Variants in RBMS3 observed in about 807,000 individuals in gnomAD.
RBMS3 encodes the protein RNA binding motif single stranded interacting protein 3, also known as RNA-binding motif, single-stranded-interacting protein 3.
Under a neutral mutation model 66.8 loss-of-function variants are expected in RBMS3, and 27 were observed. The observed-to-expected ratio is 0.40, with a 90% CI of 0.30 to 0.56. The LOEUF (loss-of-function observed/expected upper bound fraction) is 0.56, where lower values mean the gene tolerates loss of function less well. Ranked by LOEUF, RBMS3 falls within the 20% of genes least tolerant of loss-of-function variation. The probability of loss-of-function intolerance (pLI) is 0.40; values close to 1 mark genes in which losing one functional copy is unlikely to be tolerated. For synonymous variants in RBMS3, 188 were observed against 183.0 expected (o/e 1.03, Z -0.22); for missense variants, 513 against 549.5 (o/e 0.93, Z 0.66).
At chr3:29,517,846 T>C in intron 3 of RBMS3, among the ~76,000 whole-genome samples, 1 of 152,198 alleles carries the variant, frequency 6.6e-6, no homozygotes, top group African/African-American at 2.4e-5. Context: ...GAAAAAAATG[T>C]CAAGGAAATG....
intron 6 of RBMS3, among the ~76,000 whole-genome samples, chr3:29,775,289 A>G (rs2056387941): frequency 6.7e-6 from 1 of 148,248 alleles, no homozygotes. Context: ...GTAAACAAGC[A>G]TTCAGGCGCC....
At chr3:29,491,993 GA>G (rs34050334) in intron 3 of RBMS3, among the ~76,000 whole-genome samples, 77,641 of 146,072 alleles carry the variant, frequency 0.53, 22,074 homozygotes, top group African/African-American at 0.74. Context: ...GCTCAGTCTC[GA>G]AAAAAAAAAA....
chr3:29,674,369 C>G (rs2051141508), intron 4 of RBMS3, among the ~76,000 whole-genome samples: 1 of 152,158 alleles, frequency 6.6e-6, no homozygotes, highest in South Asian at 2.1e-4. Flanking sequence ...TCTCTCACCA[C>G]TCCTATTCAA....
intron 5 of RBMS3, among the ~76,000 whole-genome samples, chr3:29,746,992 A>C (rs2054928459): frequency 6.6e-6 from 1 of 152,238 alleles, no homozygotes; most frequent in African/African-American, 2.4e-5. Flanking sequence ...GTGGCCATTC[A>C]GTATGCTCAG....
intron 4 of RBMS3, among the ~76,000 whole-genome samples, chr3:29,734,618 G>T (rs2054298131): frequency 6.6e-6 from 1 of 152,050 alleles, no homozygotes; most frequent in Non-Finnish European, 1.5e-5. Context: ...CCCATAGGGT[G>T]TTCCATTATG....
intron 6 of RBMS3, among the ~76,000 whole-genome samples, chr3:29,797,118 T>G (rs2149436544): frequency 6.6e-6 from 1 of 152,332 alleles, no homozygotes; most frequent in East Asian, 1.9e-4. Flanking sequence ...TCTGGGAAAG[T>G]CCTAGATGGC....
intron 1 of RBMS3, among the ~76,000 whole-genome samples, chr3:29,394,335 G>T (rs1008748592): frequency 6.6e-6 from 1 of 152,120 alleles, no homozygotes; most frequent in Non-Finnish European, 1.5e-5. Flanking sequence ...CCTGAAAATC[G>T]CTGTTATCCT....
chr3:29,602,464 C>T (rs1268960633), intron 4 of RBMS3, among the ~76,000 whole-genome samples: 1 of 152,024 alleles, frequency 6.6e-6, no homozygotes, highest in African/African-American at 2.4e-5. Flanking sequence ...CTGGAGTTCT[C>T]ATAGGGACTG....
At chr3:29,431,766 C>T (rs181256937) in intron 1 of RBMS3, among the ~76,000 whole-genome samples, 1 of 152,012 alleles carries the variant, frequency 6.6e-6, no homozygotes, top group East Asian at 1.9e-4. Flanking sequence ...TGCTCTGTTG[C>T]CCAGGCTAGA....
intron 4 of RBMS3, among the ~76,000 whole-genome samples, chr3:29,654,003 G>A (rs1576446684): frequency 6.6e-6 from 1 of 152,228 alleles, no homozygotes; most frequent in South Asian, 2.1e-4. Context: ...AATTCATAAG[G>A]ATCTGATGAA....
chr3:29,927,940 A>T, intron 10 of RBMS3, among the ~76,000 whole-genome samples: 1 of 152,240 alleles, frequency 6.6e-6, no homozygotes, highest in Non-Finnish European at 1.5e-5. Flanking sequence ...AAGCAGGAAT[A>T]GAAAAATGTC....
chr3:29,633,954 C>G (rs2149181579), intron 4 of RBMS3, among the ~76,000 whole-genome samples: 1 of 151,920 alleles, frequency 6.6e-6, no homozygotes, highest in Non-Finnish European at 1.5e-5. Flanking sequence ...AAAATAGAGT[C>G]AACTAACCTG....
intron 10 of RBMS3, among the ~76,000 whole-genome samples, chr3:29,915,554 G>GT (rs148392455): frequency 0.021 from 3,235 of 151,988 alleles, 123 homozygotes; most frequent in African/African-American, 0.075. Flanking sequence ...CAGTATGCCC[G>GT]TATCTCCAGA....
chr3:29,317,491 C>T (rs1352293979), intron 1 of RBMS3, among the ~76,000 whole-genome samples: 1 of 151,640 alleles, frequency 6.6e-6, no homozygotes, highest in Non-Finnish European at 1.5e-5. Context: ...AATGAATTCA[C>T]AGCCATTCAG....
At chr3:29,858,715 T>A (rs986390540) in intron 6 of RBMS3, among the ~76,000 whole-genome samples, 3 of 152,220 alleles carry the variant, frequency 2.0e-5, no homozygotes, top group Non-Finnish European at 4.4e-5. Context: ...CTTGAAACAA[T>A]AGCGTTACAT....
At chr3:29,821,637 A>G (rs541686291) in intron 6 of RBMS3, among the ~76,000 whole-genome samples, 63 of 152,324 alleles carry the variant, frequency 4.1e-4, no homozygotes, top group African/African-American at 1.5e-3. Flanking sequence ...TGAAGCCAGA[A>G]TATTGGAATG....
At chr3:29,736,728 G>T (rs1191719646) in intron 4 of RBMS3, among the ~76,000 whole-genome samples, 1 of 152,112 alleles carries the variant, frequency 6.6e-6, no homozygotes, top group Non-Finnish European at 1.5e-5. Flanking sequence ...CACATCATAA[G>T]AAAGTTGTTC....
At chr3:29,503,602 G>A (rs3773046) in intron 3 of RBMS3, among the ~76,000 whole-genome samples, 20,057 of 152,078 alleles carry the variant, frequency 0.13, 1,965 homozygotes, top group African/African-American at 0.27. Flanking sequence ...TTTGGGAACT[G>A]TAAGGAGGAT....
intron 1 of RBMS3, among the ~76,000 whole-genome samples, chr3:29,395,917 C>T (rs2039525744): frequency 6.6e-6 from 1 of 152,052 alleles, no homozygotes. Context: ...AATCAAAATA[C>T]AGAAATATCA....
Sources: gnomAD v4.1 joint callset for allele counts (sites outside exome capture counted in the v4.1 genomes callset) on GRCh38, gnomAD v4.1.1 for gene constraint, MANE v1.5 for transcripts, NCBI Gene and HGNC (gene_info 2026-07-23, HGNC 2026-07-21) for gene names.